IARS2: variants seen among roughly 807,000 people sequenced by gnomAD.
IARS2 encodes isoleucyl-tRNA synthetase 2, mitochondrial.
IARS2 carries 56 observed loss-of-function variants against 126.3 expected under a neutral mutation model. The observed-to-expected ratio is 0.44, with a 90% confidence interval of 0.36 to 0.55. IARS2 has a LOEUF of 0.55. IARS2 is among the 20% of genes least tolerant of loss of function. The pLI is 0.00. For missense variants in IARS2, 1,127 were observed against 1,245.9 expected (o/e 0.90, Z 1.44); for synonymous variants, 407 against 441.1 (o/e 0.92, Z 0.97).
intron 12 of IARS2, among the ~76,000 whole-genome samples, chr1:220,119,565 T>C (rs1344824324): frequency 1.3e-5 from 2 of 152,116 alleles, no homozygotes; most frequent in African/African-American, 4.8e-5. Context: ...AAAAATTTTT[T>C]TAGGAAACAG....
At chr1:220,122,946 A>AT (rs1237046860) in intron 12 of IARS2, among the ~76,000 whole-genome samples, 1 of 150,380 alleles carries the variant, frequency 6.6e-6, no homozygotes, top group Non-Finnish European at 1.5e-5. Flanking sequence ...AAAAAAAAAA[A>AT]GGCAAAATGA....
At chr1:220,130,670 G>C (rs570805751) in intron 14 of IARS2, among the ~76,000 whole-genome samples, 66 of 152,208 alleles carry the variant, frequency 4.3e-4, no homozygotes, top group Non-Finnish European at 6.5e-4. Context: ...CCATTCTCCT[G>C]CCCCAGCCTC....
intron 15 of IARS2, among the ~76,000 whole-genome samples, chr1:220,135,238 C>T (rs1657348059): frequency 6.6e-6 from 1 of 152,204 alleles, no homozygotes. Flanking sequence ...TAGGTATTCT[C>T]ATTTAGTACA....
intron 1 of IARS2, 152 bp from the exon 2 acceptor site, chr1:220,095,952 C>T: frequency 1.9e-6 from 1 of 532,232 alleles, no homozygotes; most frequent in South Asian, 3.1e-5. Context: ...TTTCAGAAAC[C>T]TCACCTTGTA....
intron 11 of IARS2, among the ~76,000 whole-genome samples, chr1:220,113,987 G>A (rs1014048316): frequency 1.3e-5 from 2 of 152,068 alleles, no homozygotes; most frequent in African/African-American, 2.4e-5. Flanking sequence ...TTCTATGAAA[G>A]CTTTTATTAC....
chr1:220,134,720 C>T (rs1458176600), intron 15 of IARS2: 4 of 352,742 alleles, frequency 1.1e-5, no homozygotes, highest in Non-Finnish European at 2.0e-5. Flanking sequence ...AAAAAGTCAG[C>T]ATTGACTGGA....
At chr1:220,142,639 G>A (rs1657513404) in intron 20 of IARS2, among the ~76,000 whole-genome samples, 1 of 152,106 alleles carries the variant, frequency 6.6e-6, no homozygotes, top group Non-Finnish European at 1.5e-5. Context: ...AGAGGGGGAA[G>A]TCACTTATAA....
At chr1:220,124,715 G>C (rs1431608686) in intron 12 of IARS2, among the ~76,000 whole-genome samples, 1 of 152,194 alleles carries the variant, frequency 6.6e-6, no homozygotes, top group African/African-American at 2.4e-5. Flanking sequence ...AGCAGGGAGG[G>C]AGTCCTGGAA....
chr1:220,108,095 C>T (rs2102821300), intron 10 of IARS2, among the ~76,000 whole-genome samples: 1 of 152,034 alleles, frequency 6.6e-6, no homozygotes, highest in Admixed American at 6.6e-5. Context: ...CAGTCTCACT[C>T]TGTTGCCCAG....
chr1:220,105,943 C>T lies in IARS2; in HGVS notation c.1119C>T (p.Ala373=). ...TCSHPLIPDK[A]SPLLPANHVT... is the part of the protein sequence containing the mutation. ...GTCATCCATTAATTCCTGATAAAGC[C>T]TCTCCTCTTTTACCTGCAAATCATG... The change falls in exon 9 of 23, where the codon GCC becomes GCT. Residue 373 remains alanine, a synonymous_variant. Coordinates refer to ENST00000366922, the MANE Select transcript of IARS2 (RefSeq NM_018060.4). 1 of 1,614,088 alleles carries T rather than the reference C, an allele frequency of 6.2e-7. No homozygotes were observed. Among genetic ancestry groups the T allele is most frequent in the Non-Finnish European group, 8.5e-7 (1 of 1,179,984 alleles).
intron 14 of IARS2, among the ~76,000 whole-genome samples, chr1:220,129,583 A>C (rs1023880699): frequency 6.6e-6 from 1 of 152,174 alleles, no homozygotes; most frequent in Non-Finnish European, 1.5e-5. Context: ...TTTAGCTCCC[A>C]CATATGAGTG....
Position 220,145,530 on chromosome 1 carries a change from TC to T in IARS2, c.2775del (p.Ser926AlafsTer5), listed in dbSNP as rs1657568800. The T allele has an allele frequency of 1.2e-6, 2 of 1,613,304 alleles. No individual in the cohort carries two copies. Among genetic ancestry groups the T allele is most frequent in the Non-Finnish European group, 1.7e-6 (2 of 1,179,456 alleles). ...CCAGATGCTGCAGTCTGAAGAGACT[TC>T]CAGCACCTCTCAGTTGAATGAATTA... ...IIEMLQSEETSSTSQLNELMM... is the reference protein window; with the variant it reads ...IIEMLQSEETXSTSQLNELMM... On this transcript the variant is annotated frameshift_variant, in exon 22 of 23. Coordinates refer to ENST00000366922, the MANE Select transcript of IARS2 (RefSeq NM_018060.4). LOFTEE classifies it high-confidence loss of function.
intron 7 of IARS2, 123 bp downstream of exon 7, chr1:220,102,900 T>A (rs1215616648): frequency 1.5e-6 from 1 of 660,900 alleles, no homozygotes; most frequent in African/African-American, 1.8e-5. Context: ...AACTTAGTTA[T>A]TATGTTCATA....
chr1:220,106,046 C>T lies in IARS2; in HGVS notation c.1222C>T (p.His408Tyr), dbSNP rs1340888916. Residue 408 changes from histidine (H) to tyrosine (Y), a missense_variant, in exon 9 of 23, where the codon CAC (histidine) becomes TAC (tyrosine). Transcript: ENST00000366922. The stretch of plus-strand genomic sequence containing the variant: ...GGAAGACTACGGTGTAGCGTCTCAG[C>T]ACAACCTGCCCATGGTACTGTTCCT... ...GMEDYGVASQ[H>Y]NLPMDCLVDE... 3 of 1,613,406 alleles carry T rather than the reference C, an allele frequency of 1.9e-6. No homozygotes were observed. Among genetic ancestry groups the T allele is most frequent in the South Asian group, 2.2e-5 (2 of 91,010 alleles).
At chr1:220,105,753 T>TA in intron 8 of IARS2, 138 bp from the exon 9 acceptor site, 1 of 674,534 alleles carries the variant, frequency 1.5e-6, no homozygotes, top group East Asian at 2.7e-5. Flanking sequence ...CAGAACAAGT[T>TA]AAAGGGGAAG....
In IARS2 at chr1:220,102,348, T is replaced by A. The variant is rs771648093; in HGVS notation, c.700-15T>A. Reference sequence around the variant, plus strand: ...CAAGATTCTACTTTTAACATCATATTTTTGTCTTTTATAGGGCTTGGTTTA... The same window carrying A: ...CAAGATTCTACTTTTAACATCATATATTTGTCTTTTATAGGGCTTGGTTTA... On this transcript the variant is annotated splice_polypyrimidine_tract_variant and intron_variant, in intron 4 of 22. Transcript: ENST00000366922. 2 of 1,612,984 alleles carry A rather than the reference T, an allele frequency of 1.2e-6. No homozygotes were observed. Among genetic ancestry groups the A allele is most frequent in the Admixed American group, 3.3e-5 (2 of 59,746 alleles).
In IARS2 at chr1:220,142,035, A is replaced by T. The variant is rs990782286; in HGVS notation, c.2560+87A>T. The stretch of plus-strand genomic sequence containing the variant: ...CTTCTATCTGCTTCATAAAAGGGGC[A>T]CTTATCCATTTACAGTGACTGCTGT... On this transcript the variant is annotated intron_variant, in intron 20 of 22. Coordinates refer to ENST00000366922, the MANE Select transcript of IARS2 (RefSeq NM_018060.4). 4.6e-6 allele frequency: 6 copies of T among 1,293,642 alleles called. No individual in the cohort carries two copies. In the African/African-American group the frequency reaches 8.8e-5, roughly 19 times the overall value. The allele number at this position is 1,293,642 out of a possible 1,614,324, so 80.1% of individuals were successfully genotyped here. A position where few individuals can be genotyped will look rare whatever the true frequency, so the allele number is the denominator to read the frequency against.
At chr1:220,117,853 T>C (rs1656959392) in intron 12 of IARS2, 2 of 526,076 alleles carry the variant, frequency 3.8e-6, no homozygotes, top group South Asian at 2.9e-5. Flanking sequence ...ATTTCTGATA[T>C]TGAAGTAGCA....
chr1:220,106,959 G>C, intron 9 of IARS2, 102 bp from the exon 10 acceptor site: 1 of 821,836 alleles, frequency 1.2e-6, no homozygotes, highest in Non-Finnish European at 2.1e-6. Context: ...TGTAGAAAAA[G>C]ACCAGGCTAT....
Sources: allele counts gnomAD v4.1 joint callset (sites outside exome capture counted in the v4.1 genomes callset), GRCh38; gene constraint gnomAD v4.1.1; transcripts MANE v1.5; gene names NCBI Gene and HGNC (gene_info 2026-07-23, HGNC 2026-07-21).